DPYD: variants seen among roughly 807,000 people sequenced by gnomAD.
DPYD encodes dihydropyrimidine dehydrogenase [NADP(+)].
DPYD carries 109 observed loss-of-function variants against 116.2 expected under a neutral mutation model. That is an observed-to-expected ratio of 0.94 (90% CI 0.80 to 1.10). The LOEUF (loss-of-function observed/expected upper bound fraction) is 1.10, where lower values mean the gene tolerates loss of function less well. Among genes scored for constraint, DPYD ranks in the 50% least tolerant of loss-of-function variants. DPYD has a pLI of 0.00. For missense variants in DPYD, 1,302 were observed against 1,254.5 expected (o/e 1.04, Z -0.57); for synonymous variants, 440 against 432.0 (o/e 1.02, Z -0.23).
At chr1:97,837,506 T>G (rs1669824986) in intron 2 of DPYD, among the ~76,000 whole-genome samples, 1 of 152,144 alleles carries the variant, frequency 6.6e-6, no homozygotes, top group Non-Finnish European at 1.5e-5. Flanking sequence ...TCTCTGATTG[T>G]GTGCATAAAT....
In DPYD at chr1:97,573,083, A is replaced by G. The variant is rs72732329; in HGVS notation, c.1339+677T>C. Among the ~76,000 whole-genome samples the G allele has an allele frequency of 4.6e-3, 701 of 152,208 alleles. 10 individuals carry two copies. Among genetic ancestry groups the G allele is most frequent in the African/African-American group, 0.016 (656 of 41,564 alleles). On this transcript the variant is annotated intron_variant, in intron 11 of 22. Coordinates refer to ENST00000370192, the MANE Select transcript of DPYD (RefSeq NM_000110.4). ...AAGGTAAAAGGATTTGTAAAATGAAAGTACCTAGATACATAAGCTTTCATC... is the reference window on the plus strand; with the variant it reads ...AAGGTAAAAGGATTTGTAAAATGAAGGTACCTAGATACATAAGCTTTCATC...
chr1:97,829,885 C>T (rs970094139), intron 2 of DPYD, among the ~76,000 whole-genome samples: 3 of 151,882 alleles, frequency 2.0e-5, no homozygotes, highest in Non-Finnish European at 4.4e-5. Context: ...TCTCCTAATG[C>T]CATCCCTCCC....
At chr1:97,447,666 A>G (rs1676165376) in intron 14 of DPYD, among the ~76,000 whole-genome samples, 1 of 151,986 alleles carries the variant, frequency 6.6e-6, no homozygotes, top group Non-Finnish European at 1.5e-5. Context: ...AATATTAACT[A>G]TGTCTCTTCT....
intron 10 of DPYD, chr1:97,585,996 G>T: frequency 4.4e-6 from 1 of 225,430 alleles, no homozygotes; most frequent in South Asian, 8.2e-5. Context: ...TACAATGTTT[G>T]ATCCATGCCC....
intron 8 of DPYD, among the ~76,000 whole-genome samples, chr1:97,602,643 T>A (rs1014372900): frequency 6.6e-6 from 1 of 151,974 alleles, no homozygotes; most frequent in Non-Finnish European, 1.5e-5. Context: ...TTAACAAAAT[T>A]ATGGCTTTCT....
At chr1:97,698,647 T>C (rs1372735858) in intron 6 of DPYD, among the ~76,000 whole-genome samples, 1 of 151,914 alleles carries the variant, frequency 6.6e-6, no homozygotes, top group Non-Finnish European at 1.5e-5. Flanking sequence ...AAAATAAAAA[T>C]CAATTGAGTA....
chr1:97,314,926 T>C (rs1156434874), intron 16 of DPYD, among the ~76,000 whole-genome samples: 1 of 151,894 alleles, frequency 6.6e-6, no homozygotes, highest in African/African-American at 2.4e-5. Flanking sequence ...GTTGCTATTT[T>C]AATATGTAAA....
In DPYD at chr1:97,476,109, G is replaced by A. The variant is rs77691864; in HGVS notation, c.1741-25886C>T. ...ACTACATCAATCAGTCCCTTTCCTA[G>A]TGACCATGGAAGTCTATGGTGCAGA... On this transcript the variant is annotated intron_variant, in intron 13 of 22. Coordinates refer to ENST00000370192, the MANE Select transcript of DPYD (RefSeq NM_000110.4). Among the ~76,000 whole-genome samples, 588 of 152,234 alleles carry A rather than the reference G, an allele frequency of 3.9e-3. 23 individuals carry two copies. The East Asian group carries it at 0.074, about 19-fold the overall frequency.
intron 8 of DPYD, among the ~76,000 whole-genome samples, chr1:97,641,607 A>ATTT (rs2100819230): frequency 6.6e-6 from 1 of 152,318 alleles, no homozygotes; most frequent in East Asian, 1.9e-4. Context: ...TCTCAAAATA[A>ATTT]TAAGAGCAGT....
At chr1:97,636,431 C>G (rs904942784) in intron 8 of DPYD, among the ~76,000 whole-genome samples, 1 of 151,950 alleles carries the variant, frequency 6.6e-6, no homozygotes, top group African/African-American at 2.4e-5. Context: ...GCAAGTCACC[C>G]GACCTTTCCA....
rs1378553561 is a variant in DPYD, at chr1:97,373,654, A to G, written c.1975-10T>C. On this transcript the variant is annotated splice_polypyrimidine_tract_variant and intron_variant, in intron 15 of 22. Transcript: ENST00000370192. ...CATCTGCTCCAGAATCCTTTAAACA[A>G]GAAAGGAAAATGAAAGAAAAGGCAA... 4 of 1,611,816 alleles carry G rather than the reference A, an allele frequency of 2.5e-6. No individual in the cohort carries two copies. The East Asian group carries it at 6.7e-5, about 27-fold the overall frequency.
chr1:97,096,420 G>C (rs1650251513), intron 21 of DPYD, among the ~76,000 whole-genome samples: 1 of 152,148 alleles, frequency 6.6e-6, no homozygotes, highest in Non-Finnish European at 1.5e-5. Flanking sequence ...GATGCCTAGA[G>C]ATGGAGATTT....
At chr1:97,105,313 G>A (rs1195304215) in intron 20 of DPYD, among the ~76,000 whole-genome samples, 3 of 152,062 alleles carry the variant, frequency 2.0e-5, no homozygotes, top group Admixed American at 6.6e-5. Context: ...TGTGAAAAGA[G>A]AGGGCAAGAG....
At chr1:97,492,308 A>G (rs551946285) in intron 13 of DPYD, among the ~76,000 whole-genome samples, 3 of 152,272 alleles carry the variant, frequency 2.0e-5, no homozygotes, top group South Asian at 4.1e-4. Flanking sequence ...CTACCTGCAC[A>G]GCATACACAC....
chr1:97,604,305 G>A (rs767567079), intron 8 of DPYD, among the ~76,000 whole-genome samples: 26 of 151,950 alleles, frequency 1.7e-4, no homozygotes, highest in African/African-American at 3.1e-4. Flanking sequence ...CTACAAAACC[G>A]CATCTCCTTA....
intron 13 of DPYD, among the ~76,000 whole-genome samples, chr1:97,475,954 T>A (rs905994528): frequency 3.3e-5 from 5 of 152,200 alleles, no homozygotes; most frequent in Non-Finnish European, 5.9e-5. Context: ...TATTAAGTAA[T>A]CTATAACTAA....
chr1:97,372,707 C>A (rs1364941459), intron 16 of DPYD, among the ~76,000 whole-genome samples: 1 of 151,616 alleles, frequency 6.6e-6, no homozygotes, highest in African/African-American at 2.4e-5. Flanking sequence ...AATTAAGGGC[C>A]TCTGAGTTTA....
chr1:97,847,283 T>A (rs1022741002), intron 2 of DPYD, among the ~76,000 whole-genome samples: 2 of 152,296 alleles, frequency 1.3e-5, no homozygotes, highest in African/African-American at 4.8e-5. Context: ...AAAAACTCTC[T>A]CCATTTACAT....
intron 13 of DPYD, among the ~76,000 whole-genome samples, chr1:97,509,158 T>C (rs1019249378): frequency 2.6e-5 from 4 of 152,014 alleles, no homozygotes; most frequent in Non-Finnish European, 4.4e-5. Context: ...TTGGCCATAC[T>C]GCCAAACTGT....
Sources: gnomAD v4.1 joint callset for allele counts (sites outside exome capture counted in the v4.1 genomes callset) on GRCh38, gnomAD v4.1.1 for gene constraint, MANE v1.5 for transcripts, NCBI Gene and HGNC (gene_info 2026-07-23, HGNC 2026-07-21) for gene names.